The following MOCOS variants were observed in gnomAD, a reference collection of about 807,000 sequenced individuals.
MOCOS encodes the protein molybdenum cofactor sulfurase.
MOCOS carries 86 observed loss-of-function variants against 83.6 expected under a neutral mutation model. The ratio of observed to expected loss-of-function variants is 1.03; its 90% CI spans 0.86 to 1.23. MOCOS has a LOEUF of 1.23. Among genes scored for constraint, MOCOS ranks in the 50% most tolerant of loss-of-function variants. The probability of loss-of-function intolerance (pLI) is 0.00; values close to 1 mark genes in which losing one functional copy is unlikely to be tolerated. For synonymous variants in MOCOS, 445 were observed against 434.7 expected, an observed-to-expected ratio of 1.02 and a Z score of -0.29; for missense variants, 1,120 against 1,126.9, an observed-to-expected ratio of 0.99 and a Z score of 0.09.
At chr18:36,240,510 G>A (rs998865341) in intron 9 of MOCOS, among the ~76,000 whole-genome samples, 117 of 150,094 alleles carry the variant, frequency 7.8e-4, no homozygotes, top group African/African-American at 2.7e-3. Flanking sequence ...CTCCAGCTGC[G>A]TGCTGGGAGA....
intron 1 of MOCOS, among the ~76,000 whole-genome samples, chr18:36,194,340 T>G (rs1023569030): frequency 1.2e-4 from 19 of 152,210 alleles, no homozygotes; most frequent in South Asian, 4.1e-4. Context: ...ATTTGATAAG[T>G]GAATGAATGG....
Position 36,271,762 on chromosome 18 carries a change from C to T in MOCOS, c.*3077C>T, listed in dbSNP as rs2091699895. 1 of 152,156 alleles carries T rather than the reference C, an allele frequency of 6.6e-6. No homozygotes were observed. Among genetic ancestry groups the T allele is most frequent in the African/African-American group, 2.4e-5 (1 of 41,418 alleles). 9.4% of individuals were successfully genotyped at this position (152,156 alleles called of 1,614,324 possible). ...GCATAGTTTGGTGAGCATCAAGAAT[C>T]CTTTAAGGAGGGTGGCGGTGCTGAC... On this transcript the variant is annotated 3_prime_UTR_variant, in exon 15 of 15. Coordinates refer to ENST00000261326, the MANE Select transcript of MOCOS (RefSeq NM_017947.4).
intron 9 of MOCOS, 61 bp downstream of exon 9, chr18:36,220,278 A>C (rs2091491234): frequency 6.3e-7 from 1 of 1,594,082 alleles, no homozygotes; most frequent in African/African-American, 1.3e-5. Flanking sequence ...TATTCATATG[A>C]AATACTCTAC....
At chr18:36,256,182 G>A (rs574302107) in intron 11 of MOCOS, among the ~76,000 whole-genome samples, 36 of 151,944 alleles carry the variant, frequency 2.4e-4, no homozygotes, top group Non-Finnish European at 3.7e-4. Context: ...GTGAGCCACC[G>A]CGCCTAGCCC....
intron 5 of MOCOS, among the ~76,000 whole-genome samples, chr18:36,204,546 G>A (rs538226697): frequency 6.7e-4 from 102 of 152,236 alleles, no homozygotes; most frequent in Non-Finnish European, 1.3e-3. Context: ...TAAAAAAGAG[G>A]ATGACAGGAA....
intron 9 of MOCOS, among the ~76,000 whole-genome samples, chr18:36,236,785 G>C (rs1271095667): frequency 7.1e-5 from 10 of 141,380 alleles, no homozygotes; most frequent in Non-Finnish European, 1.2e-4. Context: ...TCTTCCATTT[G>C]TTTGTATCCT....
At chr18:36,209,680 T>A (rs1425039277) in intron 6 of MOCOS, among the ~76,000 whole-genome samples, 1 of 152,264 alleles carries the variant, frequency 6.6e-6, no homozygotes, top group Non-Finnish European at 1.5e-5. Flanking sequence ...TGTTTCGTTT[T>A]ATGGCTGAGT....
At chr18:36,244,209 C>A (rs553863526) in intron 9 of MOCOS, among the ~76,000 whole-genome samples, 3 of 151,292 alleles carry the variant, frequency 2.0e-5, no homozygotes, top group Non-Finnish European at 4.4e-5. Flanking sequence ...TGAGGTGTGA[C>A]CTTAGATTAT....
At chr18:36,221,780 G>A (rs575264503) in intron 9 of MOCOS, among the ~76,000 whole-genome samples, 1 of 149,518 alleles carries the variant, frequency 6.7e-6, no homozygotes, top group South Asian at 2.1e-4. Flanking sequence ...AGGCTGGAGT[G>A]CAATGGCGTG....
intron 9 of MOCOS, among the ~76,000 whole-genome samples, chr18:36,244,995 T>G (rs2091597489): frequency 6.6e-6 from 1 of 152,188 alleles, no homozygotes; most frequent in African/African-American, 2.4e-5. Flanking sequence ...TTCCACCCCT[T>G]TCATCAAGTT....
chr18:36,210,041 T>A (rs2091448593), intron 6 of MOCOS, among the ~76,000 whole-genome samples: 1 of 152,146 alleles, frequency 6.6e-6, no homozygotes, highest in Admixed American at 6.5e-5. Flanking sequence ...TTCTATTTAT[T>A]AGTATTTTGT....
chr18:36,251,384 G>C, intron 11 of MOCOS, 101 bp downstream of exon 11: 1 of 1,484,070 alleles, frequency 6.7e-7, no homozygotes, highest in South Asian at 1.1e-5. Context: ...ACTTGCTGAT[G>C]TATGGAAAGC....
rs747252798 is a variant in MOCOS, at chr18:36,268,545, A to G, written c.2527A>G (p.Met843Val). ...GTTTTGTTCACAGGTGAACTTTGGC[A>G]TGTACCTGATGCATGCATCATTGGA... Reference protein sequence around the residue: ...ESRETKVNFGMYLMHASLDLS... With the variant: ...ESRETKVNFGVYLMHASLDLS... Residue 843 changes from methionine to valine, a missense_variant, in exon 15 of 15, where the codon ATG becomes GTG. Met to Val is a conservative substitution (Grantham distance 21). Coordinates refer to ENST00000261326, the MANE Select transcript of MOCOS (RefSeq NM_017947.4). 5.6e-6 allele frequency: 9 copies of G among 1,614,122 alleles called. No homozygotes were observed. The highest frequency in any genetic ancestry group is 2.2e-5 in the East Asian group (1 of 44,880).
chr18:36,232,097 C>T (rs373908555), intron 9 of MOCOS, among the ~76,000 whole-genome samples: 21 of 152,214 alleles, frequency 1.4e-4, no homozygotes, highest in African/African-American at 3.6e-4. Context: ...CCTCAGCCTC[C>T]GGAGTAGCTG....
chr18:36,257,007 A>T lies in MOCOS; in HGVS notation c.2204A>T (p.Asn735Ile). ...PGTMATLSLVNEAQYLLINTS... is the reference protein window; with the variant it reads ...PGTMATLSLVIEAQYLLINTS... ...ACAATGGCCACCCTTTCTCTGGTGA[A>T]TGAGGCACAGTATCTGCTGATCAAC... The change falls in exon 12 of 15, where the codon AAT (asparagine) becomes ATT (isoleucine). Residue 735 changes from asparagine (N) to isoleucine (I), a missense_variant. Physicochemically the swap from Asn to Ile is moderately radical, Grantham distance 149 (BLOSUM62 -3). Coordinates refer to ENST00000261326, the MANE Select transcript of MOCOS (RefSeq NM_017947.4). 1 of 1,614,146 alleles carries T rather than the reference A, an allele frequency of 6.2e-7. No homozygotes were observed.
chr18:36,207,435 T>G (rs2091438904), intron 6 of MOCOS, among the ~76,000 whole-genome samples: 1 of 152,246 alleles, frequency 6.6e-6, no homozygotes, highest in African/African-American at 2.4e-5. Context: ...TAAGTGTTTT[T>G]TTTTATCCAC....
At chr18:36,234,597 A>T (rs2091550604) in intron 9 of MOCOS, among the ~76,000 whole-genome samples, 1 of 152,062 alleles carries the variant, frequency 6.6e-6, no homozygotes, top group Admixed American at 6.6e-5. Flanking sequence ...TGGGAATTGC[A>T]CTGAATTTGT....
At chr18:36,249,193 T>C (rs780967705) in intron 10 of MOCOS, among the ~76,000 whole-genome samples, 193 bp downstream of exon 10, 2 of 152,158 alleles carry the variant, frequency 1.3e-5, no homozygotes, top group Non-Finnish European at 2.9e-5. Context: ...TGCTCCCTTC[T>C]CAGGTCTTTG....
chr18:36,204,365 A>G (rs750693991), intron 5 of MOCOS, among the ~76,000 whole-genome samples: 2 of 152,182 alleles, frequency 1.3e-5, no homozygotes, highest in African/African-American at 4.8e-5. Flanking sequence ...CACGTTTCCA[A>G]GATTCATTCA....
Sources: gnomAD v4.1 joint callset for allele counts (sites outside exome capture counted in the v4.1 genomes callset) on GRCh38, gnomAD v4.1.1 for gene constraint, MANE v1.5 for transcripts, NCBI Gene and HGNC (gene_info 2026-07-23, HGNC 2026-07-21) for gene names.